Variants in GARRE1 observed in about 807,000 individuals in gnomAD.
GARRE1 encodes the protein granule associated Rac and RHOG effector 1.
A neutral mutation model predicts 103.2 loss-of-function variants in GARRE1; 49 were observed. The ratio of observed to expected loss-of-function variants is 0.47; its 90% CI spans 0.38 to 0.60. The LOEUF (loss-of-function observed/expected upper bound fraction) is 0.60. Ranked by LOEUF, GARRE1 falls within the 20% of genes least tolerant of loss-of-function variation. GARRE1 has a pLI of 0.00. For synonymous variants in GARRE1, 505 were observed against 532.8 expected (o/e 0.95, Z 0.72); for missense variants, 1,199 against 1,370.5 (o/e 0.87, Z 1.98).
Position 34,355,180 on chromosome 19 carries a change from G to A in GARRE1, c.*2225G>A, listed in dbSNP as rs970714502. On this transcript the variant is annotated 3_prime_UTR_variant, in exon 14 of 14. Coordinates refer to ENST00000299505, the MANE Select transcript of GARRE1 (RefSeq NM_014686.5). ...GGTCAATCCTTGATGCTCCAGCACA[G>A]GTGACGTCACTAATTGTCACTTTCC... 1 of 152,644 alleles carries A rather than the reference G, an allele frequency of 6.6e-6. No individual in the cohort carries two copies. The highest frequency in any genetic ancestry group is 2.4e-5 in the African/African-American group (1 of 41,462). 9.5% of individuals were successfully genotyped at this position (152,644 alleles called of 1,614,324 possible).
intron 12 of GARRE1, among the ~76,000 whole-genome samples, chr19:34,350,732 C>G (rs1221849680): frequency 6.6e-6 from 1 of 152,106 alleles, no homozygotes; most frequent in East Asian, 1.9e-4. Flanking sequence ...CAGGCGCCCA[C>G]CACCATGCCC....
intron 1 of GARRE1, among the ~76,000 whole-genome samples, chr19:34,293,430 C>T (rs970848311): frequency 3.4e-5 from 5 of 149,168 alleles, no homozygotes; most frequent in African/African-American, 1.2e-4. Flanking sequence ...GACAGATTCT[C>T]TGTTTTCCAG....
At chr19:34,324,971 TATACA>T (rs1276633196) in intron 3 of GARRE1, among the ~76,000 whole-genome samples, 2 of 152,226 alleles carry the variant, frequency 1.3e-5, no homozygotes, top group African/African-American at 2.4e-5. Flanking sequence ...CTTCCACTCC[TATACA>T]AGAACATGCC....
intron 1 of GARRE1, among the ~76,000 whole-genome samples, chr19:34,274,765 T>C (rs1421068950): frequency 1.3e-5 from 2 of 151,848 alleles, no homozygotes; most frequent in African/African-American, 4.8e-5. Context: ...GCCAGAGAGG[T>C]ATGAGGAGAG....
intron 1 of GARRE1, among the ~76,000 whole-genome samples, chr19:34,264,500 G>A (rs909147773): frequency 6.6e-6 from 1 of 151,984 alleles, no homozygotes; most frequent in African/African-American, 2.4e-5. Context: ...CCCGGTTCAC[G>A]CCATTCTCCT....
chr19:34,279,984 C>CAAA lies in GARRE1; in HGVS notation c.-795-19674_-795-19672dup, dbSNP rs34044474. On this transcript the variant is annotated intron_variant, in intron 1 of 13. Coordinates refer to ENST00000299505, the MANE Select transcript of GARRE1 (RefSeq NM_014686.5). ...TGGGCGACAGAGCGAGACTCCGTCT[C>CAAA]AAAAAAAAAAAAAAAAAAAAAAAGT... is the stretch of plus-strand genomic sequence containing the variant. 1.7e-3 allele frequency among the ~76,000 whole-genome samples: 112 copies of CAAA among 67,804 alleles called. 2 individuals are homozygous for CAAA. The highest frequency in any genetic ancestry group is 4.0e-3 in the African/African-American group (78 of 19,714). 44.5% of individuals were successfully genotyped at this position (67,804 alleles called of 152,430 possible). A position where few individuals can be genotyped will look rare whatever the true frequency, so the allele number is the denominator to read the frequency against.
chr19:34,352,170 C>T (rs2074240944), intron 13 of GARRE1, among the ~76,000 whole-genome samples: 1 of 152,038 alleles, frequency 6.6e-6, no homozygotes, highest in African/African-American at 2.4e-5. Flanking sequence ...GAGGCCAAGG[C>T]GGGTGGATCA....
chr19:34,343,735 T>C (rs1356722539), intron 10 of GARRE1, among the ~76,000 whole-genome samples: 1 of 152,000 alleles, frequency 6.6e-6, no homozygotes, highest in African/African-American at 2.4e-5. Context: ...TAGTCCCAGC[T>C]CCTTGGGAGG....
chr19:34,331,679 C>G (rs1486267756), intron 7 of GARRE1, among the ~76,000 whole-genome samples: 1 of 152,132 alleles, frequency 6.6e-6, no homozygotes, highest in Non-Finnish European at 1.5e-5. Flanking sequence ...ATCTCCCTTT[C>G]TAGTAAACGA....
intron 8 of GARRE1, among the ~76,000 whole-genome samples, chr19:34,339,284 C>T (rs914095060): frequency 3.3e-5 from 5 of 152,162 alleles, no homozygotes; most frequent in Non-Finnish European, 7.3e-5. Context: ...CCCAAAACCT[C>T]CAGGTTTGAT....
chr19:34,256,027 CAG>C (rs2073670261), intron 1 of GARRE1, among the ~76,000 whole-genome samples: 1 of 151,694 alleles, frequency 6.6e-6, no homozygotes, highest in African/African-American at 2.4e-5. Flanking sequence ...TTAGTAGAGA[CAG>C]GGTTTCGCCC....
intron 8 of GARRE1, among the ~76,000 whole-genome samples, chr19:34,334,279 T>A (rs754629429): frequency 3.9e-5 from 6 of 152,172 alleles, no homozygotes; most frequent in Non-Finnish European, 5.9e-5. Context: ...GTAACACTTA[T>A]AATAGATAAA....
intron 10 of GARRE1, among the ~76,000 whole-genome samples, chr19:34,344,578 G>A (rs1219429478): frequency 2.8e-5 from 4 of 143,828 alleles, no homozygotes; most frequent in Non-Finnish European, 6.0e-5. Flanking sequence ...GCGACAGAGC[G>A]AGACTCCGTC....
Position 34,327,508 on chromosome 19 carries a change from A to G in GARRE1, c.793A>G (p.Ile265Val), listed in dbSNP as rs767125559. Residue 265 changes from isoleucine to valine, a missense_variant, in exon 4 of 14, where the codon ATT (isoleucine) becomes GTT (valine). Transcript: ENST00000299505. Reference sequence around the variant, plus strand: ...ACTCTTTTGTTCTCAAAGTGCAGCAATTCCTGAGCACCAGCTAAAAGAACT... The same window carrying G: ...ACTCTTTTGTTCTCAAAGTGCAGCAGTTCCTGAGCACCAGCTAAAAGAACT... ...QQLFCSQSAA[I>V]PEHQLKELNI... The G allele has an allele frequency of 1.1e-5, 18 of 1,613,994 alleles. No individual in the cohort carries two copies. Among genetic ancestry groups the G allele is most frequent in the Admixed American group, 6.7e-5 (4 of 60,008 alleles).
In GARRE1 at chr19:34,353,265, A is replaced by G. The variant is rs533864190; in HGVS notation, c.*310A>G. On this transcript the variant is annotated 3_prime_UTR_variant, in exon 14 of 14. Transcript: ENST00000299505. ...ACTCTGATGCAGGCGCCACAGCCAC[A>G]CTTGAAGAAACACAGCTCTTGGGTT... The G allele has an allele frequency of 2.0e-5, 8 of 397,828 alleles. No homozygotes were observed. Among genetic ancestry groups the G allele is most frequent in the Admixed American group, 4.0e-5 (1 of 24,934 alleles). 24.6% of individuals were successfully genotyped at this position (397,828 alleles called of 1,614,324 possible).
intron 1 of GARRE1, among the ~76,000 whole-genome samples, chr19:34,278,767 G>A (rs1237550629): frequency 6.6e-6 from 1 of 152,096 alleles, no homozygotes; most frequent in African/African-American, 2.4e-5. Flanking sequence ...AGATGCCTGG[G>A]TTCAAGTGAT....
rs754736372 is a variant in GARRE1 at position 34,300,552 on chromosome 19, C to G, written c.79C>G (p.Gln27Glu). ...GCTTGGCGGGTCCAAGCAGAAGGTG[C>G]AGCAGCACCAGCAATACCCGATGCC... Reference protein sequence around the residue: ...FLLGGSKQKVQQHQQYPMPEL... With the variant: ...FLLGGSKQKVEQHQQYPMPEL... The change falls in exon 2 of 14, where the codon CAG becomes GAG. Residue 27 changes from glutamine to glutamate, a missense_variant. By Grantham distance (29) the Gln-to-Glu change is conservative. Coordinates refer to ENST00000299505, the MANE Select transcript of GARRE1 (RefSeq NM_014686.5). The G allele has an allele frequency of 6.2e-7, 1 of 1,613,392 alleles. No homozygotes were observed. The highest frequency in any genetic ancestry group is 2.2e-5 in the East Asian group (1 of 44,874).
intron 8 of GARRE1, among the ~76,000 whole-genome samples, chr19:34,335,296 C>G (rs994284941): frequency 2.6e-5 from 4 of 152,124 alleles, no homozygotes; most frequent in Admixed American, 2.6e-4. Context: ...GATATGTATT[C>G]ACATTCAGCT....
intron 1 of GARRE1, among the ~76,000 whole-genome samples, chr19:34,270,020 G>C (rs1032434270): frequency 3.3e-5 from 5 of 152,160 alleles, no homozygotes; most frequent in African/African-American, 1.2e-4. Flanking sequence ...CTCCATGCCC[G>C]CCTTTCTCTT....
Sources: gnomAD v4.1 joint callset for allele counts (sites outside exome capture counted in the v4.1 genomes callset) on GRCh38, gnomAD v4.1.1 for gene constraint, MANE v1.5 for transcripts, NCBI Gene and HGNC (gene_info 2026-07-23, HGNC 2026-07-21) for gene names.